NBPF12: variants seen among roughly 807,000 people sequenced by gnomAD.
NBPF12 encodes NBPF member 12.
A neutral mutation model predicts 146.4 loss-of-function variants in NBPF12; 115 were observed. The observed-to-expected ratio is 0.79, with a 90% CI of 0.68 to 0.92. The LOEUF is 0.92. Ranked by LOEUF, NBPF12 falls within the 40% of genes least tolerant of loss-of-function variation. The pLI is 0.00. For synonymous variants in NBPF12, 385 were observed against 508.9 expected, an observed-to-expected ratio of 0.76 and a Z score of 3.28; for missense variants, 1,205 against 1,326.8, an observed-to-expected ratio of 0.91 and a Z score of 1.43.
chr1:146,941,053 T>A (rs1229672658), intron 1 of NBPF12, among the ~76,000 whole-genome samples: 1 of 152,072 alleles, frequency 6.6e-6, no homozygotes, highest in Non-Finnish European at 1.5e-5. Flanking sequence ...TTTCACTCTT[T>A]TAATGATGTT....
At chr1:146,968,797 T>A (rs1553885972) in intron 10 of NBPF12, among the ~76,000 whole-genome samples, 36,772 of 150,438 alleles carry the variant, frequency 0.24, 4,936 homozygotes, top group South Asian at 0.46. Flanking sequence ...GAAATTTACA[T>A]AACACAAAAT....
At chr1:146,956,062 G>A (rs1308187016) in intron 2 of NBPF12, among the ~76,000 whole-genome samples, 1 of 151,490 alleles carries the variant, frequency 6.6e-6, no homozygotes, top group African/African-American at 2.4e-5. Context: ...CTGTGTTAGT[G>A]AGACCTGGCC....
At chr1:146,994,299 T>C (rs1553889972) in intron 33 of NBPF12, 33 bp from the exon 37 acceptor site, 4 of 1,611,496 alleles carry the variant, frequency 2.5e-6, no homozygotes, top group Non-Finnish European at 3.4e-6. Flanking sequence ...TGACTTTCCC[T>C]GGCTGCTTCT....
At chr1:146,940,485 G>A (rs1204730091) in intron 1 of NBPF12, among the ~76,000 whole-genome samples, 1 of 151,824 alleles carries the variant, frequency 6.6e-6, no homozygotes, top group Non-Finnish European at 1.5e-5. Context: ...GAGCCCGGGA[G>A]GTTGAGATTG....
chr1:146,981,289 A>AT lies in NBPF12; in HGVS notation c.2451-1639_2451-1638insT, dbSNP rs2101901262. On this transcript the variant is annotated intron_variant, in intron 19 of 33. Transcript: ENST00000617844. ...AGACTTAAAGTATTAAAAAAAAAAA[A>AT]AAAAAATATATATATATATATATAT... 9.7e-3 allele frequency among the ~76,000 whole-genome samples: 1,094 copies of AT among 112,702 alleles called. 10 individuals carry two copies. The highest frequency in any genetic ancestry group is 0.021 in the African/African-American group (558 of 26,766). The allele number at this position is 112,702 out of a possible 152,430, so 73.9% of individuals were successfully genotyped here.
rs1438313322 is a variant in NBPF12 at position 146,975,170 on chromosome 1, A to G, written c.1904+329A>G. 1.0e-4 allele frequency among the ~76,000 whole-genome samples: 14 copies of G among 136,470 alleles called. 2 individuals carry two copies. The highest frequency in any genetic ancestry group is 1.8e-4 in the Non-Finnish European group (12 of 65,212). The allele number at this position is 136,470 out of a possible 152,430, so 89.5% of individuals were successfully genotyped here. On this transcript the variant is annotated intron_variant, in intron 15 of 33. Transcript: ENST00000617844. ...ATGGTGTGCCATCACCATCCCACTT[A>G]CCCTTAGTGAGAATCACCTCCTGAC...
At chr1:146,970,982 C>T (rs1264982646) in intron 12 of NBPF12, among the ~76,000 whole-genome samples, 4 of 151,400 alleles carry the variant, frequency 2.6e-5, no homozygotes, top group Admixed American at 1.3e-4. Flanking sequence ...ACACCAGCTG[C>T]TCTCTTCCTC....
At chr1:146,948,292 G>A (rs1655159883), upstream of NBPF12, among the ~76,000 whole-genome samples, 1 of 151,908 alleles carries the variant, frequency 6.6e-6, no homozygotes, top group Non-Finnish European at 1.5e-5. Context: ...TTACAGATAT[G>A]AGCCACGGCC....
rs1201176061 is a variant in NBPF12, at chr1:146,989,205, T to G, written c.3398+256T>G. 9.2e-5 allele frequency among the ~76,000 whole-genome samples: 12 copies of G among 130,116 alleles called. No homozygotes were observed. The East Asian group carries it at 2.3e-3, about 25-fold the overall frequency. 85.4% of individuals were successfully genotyped at this position (130,116 alleles called of 152,430 possible). On this transcript the variant is annotated intron_variant, in intron 27 of 33. Transcript: ENST00000617844. ...GCCACTGCATCGAATTTTGAGCATA[T>G]TTTATGGAAAACTATTGAGCTCACT...
chr1:146,942,132 A>G (rs1654838901), intron 1 of NBPF12, among the ~76,000 whole-genome samples: 1 of 151,258 alleles, frequency 6.6e-6, no homozygotes, highest in Admixed American at 6.6e-5. Flanking sequence ...TGCTGGGATT[A>G]CGGCATGCAC....
At chr1:146,984,980 T>G in exon 22 of NBPF12, 3 of 1,275,302 alleles carry the variant, frequency 2.4e-6, no homozygotes, top group Non-Finnish European at 3.4e-6. Context: ...GCTGTTGACA[T>G]GGATGGTGAG....
chr1:146,946,014 C>G (rs1471120678), upstream of NBPF12, among the ~76,000 whole-genome samples: 21 of 151,876 alleles, frequency 1.4e-4, no homozygotes, highest in African/African-American at 4.6e-4. Context: ...TTTGACTTTC[C>G]AAGAATGTCC....
chr1:146,973,440 C>G (rs1229230783), intron 14 of NBPF12, among the ~76,000 whole-genome samples: 41 of 150,072 alleles, frequency 2.7e-4, no homozygotes, highest in African/African-American at 9.5e-4. Flanking sequence ...TGAGGGGCTT[C>G]AAGAGGAGTC....
chr1:146,994,492 C>G, exon 34 of NBPF12: 3 of 1,609,358 alleles, frequency 1.9e-6, no homozygotes, highest in Non-Finnish European at 2.5e-6. Flanking sequence ...CACCTTTGCC[C>G]TTGACATGGA....
In NBPF12 at chr1:146,965,056, A is replaced by T; in HGVS notation, c.730A>T (p.Arg244Ter). The T allele has an allele frequency of 6.2e-7, 1 of 1,607,966 alleles. No individual in the cohort carries two copies. Among genetic ancestry groups the T allele is most frequent in the Non-Finnish European group, 8.5e-7 (1 of 1,178,094 alleles). Residue 244 changes from arginine to a stop codon, truncating the protein, a stop_gained, in exon 8 of 34, where the codon AGA (arginine) becomes TGA (stop). Transcript: ENST00000617844. LOFTEE classifies it high-confidence loss of function. ...AGTCAACTCAACTGTGGTTGTAGAC[A>T]GAAAATCCTCTCATGATGAATGTCA...
chr1:146,956,013 G>A (rs1177531639), intron 2 of NBPF12, among the ~76,000 whole-genome samples: 1 of 150,258 alleles, frequency 6.7e-6, no homozygotes, highest in Non-Finnish European at 1.5e-5. Flanking sequence ...ATATTTAATT[G>A]AACCACTCAG....
chr1:146,995,182 A>C (rs3930301), exon 34 of NBPF12: 11,846 of 128,492 alleles, frequency 0.092, 626 homozygotes, highest in East Asian at 0.19. Flanking sequence ...ATGGACAAAC[A>C]GCATTGGGAG....
At chr1:146,953,823 G>A (rs1250532269) in intron 2 of NBPF12, among the ~76,000 whole-genome samples, 1 of 151,060 alleles carries the variant, frequency 6.6e-6, no homozygotes, top group Non-Finnish European at 1.5e-5. Context: ...TTATACTAGA[G>A]CTCTAAGTCA....
upstream of NBPF12, among the ~76,000 whole-genome samples, chr1:146,948,832 G>A (rs1452580135): frequency 2.6e-5 from 4 of 151,592 alleles, no homozygotes; most frequent in Admixed American, 2.0e-4. Flanking sequence ...CTGGGCAATG[G>A]AATGTCTCGG....
Sources: gnomAD v4.1 joint callset for allele counts (sites outside exome capture counted in the v4.1 genomes callset) on GRCh38, gnomAD v4.1.1 for gene constraint, MANE v1.5 for transcripts, NCBI Gene and HGNC (gene_info 2026-07-23, HGNC 2026-07-21) for gene names.